The following SVEP1 variants were observed in gnomAD, a reference collection of about 807,000 sequenced individuals.
The protein encoded by SVEP1 is sushi, von Willebrand factor type A, EGF and pentraxin domain-containing protein 1.
A neutral mutation model predicts 367.3 loss-of-function variants in SVEP1; 164 were observed. The ratio of observed to expected loss-of-function variants is 0.45; its 90% confidence interval spans 0.39 to 0.51. The LOEUF (loss-of-function observed/expected upper bound fraction) is 0.51, where lower values mean the gene tolerates loss of function less well. Ranked by LOEUF, SVEP1 falls within the 20% of genes least tolerant of loss-of-function variation. The pLI is 0.00. For missense variants in SVEP1, 4,117 were observed against 4,425.3 expected, an observed-to-expected ratio of 0.93 and a Z score of 1.98; for synonymous variants, 1,666 against 1,611.6, an observed-to-expected ratio of 1.03 and a Z score of -0.81.
At chr9:110,497,704 T>C (rs1829471442) in intron 7 of SVEP1, among the ~76,000 whole-genome samples, 3 of 152,248 alleles carry the variant, frequency 2.0e-5, no homozygotes, top group Admixed American at 2.0e-4. Context: ...GGTGCTGAAT[T>C]AGACGTGCTA....
intron 41 of SVEP1, among the ~76,000 whole-genome samples, chr9:110,388,539 C>G (rs900457709): frequency 6.6e-6 from 1 of 152,126 alleles, no homozygotes; most frequent in Non-Finnish European, 1.5e-5. Context: ...ATTCCCCAAA[C>G]AATTCAAATG....
intron 1 of SVEP1, among the ~76,000 whole-genome samples, chr9:110,551,217 T>A (rs763222564): frequency 2.0e-5 from 3 of 152,190 alleles, no homozygotes; most frequent in Non-Finnish European, 2.9e-5. Context: ...TTGATACAAT[T>A]CACTTTAGGG....
At position 110,375,561 on chromosome 9, in the gene SVEP1, A is replaced by G; in HGVS notation, c.10505-98T>C. The stretch of plus-strand genomic sequence containing the variant: ...AGATAGGTTCAAGGGTTCAGAAAAC[A>G]TTTTGCAGGAGTGAAACCTTATATG... On this transcript the variant is annotated intron_variant, in intron 45 of 47. Transcript: ENST00000374469. 8.1e-6 allele frequency: 9 copies of G among 1,117,744 alleles called. No homozygotes were observed. The South Asian group carries it at 1.5e-4, about 18-fold the overall frequency. 69.2% of individuals were successfully genotyped at this position (1,117,744 alleles called of 1,614,324 possible). A position where few individuals can be genotyped will look rare whatever the true frequency, so the allele number is the denominator to read the frequency against.
In SVEP1 at chr9:110,388,115, A is replaced by C. The variant is rs1193370237; in HGVS notation, c.9887-657T>G. 5.3e-5 allele frequency among the ~76,000 whole-genome samples: 8 copies of C among 152,148 alleles called. No homozygotes were observed. In the South Asian group the frequency reaches 1.7e-3, roughly 32 times the overall value. On this transcript the variant is annotated intron_variant, in intron 41 of 47. Transcript: ENST00000374469. Reference sequence around the variant, plus strand: ...AAGGTCATACTGCTTGTAAGAAGAGATAAAATATAAAATTATCAGAAGGTA... The same window carrying C: ...AAGGTCATACTGCTTGTAAGAAGAGCTAAAATATAAAATTATCAGAAGGTA...
rs775174213 is a variant in SVEP1, at chr9:110,458,166, A to C, written c.3576+305T>G. The C allele has an allele frequency of 6.0e-5, 34 of 568,516 alleles. 2 individuals are homozygous for C. The highest frequency in any genetic ancestry group is 6.3e-5 in the Non-Finnish European group (19 of 302,930). 35.2% of individuals were successfully genotyped at this position (568,516 alleles called of 1,614,324 possible). On this transcript the variant is annotated intron_variant, in intron 20 of 47. Coordinates refer to ENST00000374469, the MANE Select transcript of SVEP1 (RefSeq NM_153366.4). ...TCCTTAAACCAAATTCTCTTACTCAAATGATGGGTTGTGCTTGTGGTAAGT... is the reference window on the plus strand; with the variant it reads ...TCCTTAAACCAAATTCTCTTACTCACATGATGGGTTGTGCTTGTGGTAAGT...
intron 47 of SVEP1, among the ~76,000 whole-genome samples, chr9:110,367,030 G>A (rs1027241424): frequency 2.6e-5 from 4 of 152,166 alleles, no homozygotes; most frequent in Non-Finnish European, 4.4e-5. Context: ...CAGTAGAGAA[G>A]GTAAACATTG....
At chr9:110,567,254 A>T (rs1359766405) in intron 1 of SVEP1, among the ~76,000 whole-genome samples, 2 of 152,294 alleles carry the variant, frequency 1.3e-5, no homozygotes, top group South Asian at 2.1e-4. Context: ...GACAACAAAC[A>T]CCACAAGAGA....
At chr9:110,386,115 C>G (rs1827518327) in intron 42 of SVEP1, 41 bp from the exon 43 acceptor site, 3 of 1,581,490 alleles carry the variant, frequency 1.9e-6, no homozygotes, top group South Asian at 2.3e-5. Context: ...TATTTCCCCT[C>G]TTTTCCTAAT....
chr9:110,564,661 TTTTA>T (rs1445018953), intron 1 of SVEP1, among the ~76,000 whole-genome samples: 1 of 152,090 alleles, frequency 6.6e-6, no homozygotes, highest in African/African-American at 2.4e-5. Flanking sequence ...GTTTCATTTT[TTTTA>T]TTTGTTTGTA....
chr9:110,493,611 A>C (rs1829402537), intron 8 of SVEP1, among the ~76,000 whole-genome samples: 1 of 152,148 alleles, frequency 6.6e-6, no homozygotes, highest in African/African-American at 2.4e-5. Context: ...ACTTGCCTGT[A>C]ATCCCAGCTA....
At chr9:110,375,274 G>A in intron 46 of SVEP1, 94 bp downstream of exon 46, 1 of 1,088,252 alleles carries the variant, frequency 9.2e-7, no homozygotes, top group Non-Finnish European at 1.3e-6. Flanking sequence ...TTTTCATTTT[G>A]CCACCACTTC....
Position 110,408,858 on chromosome 9 carries a change from T to C in SVEP1, c.6742A>G (p.Asn2248Asp), listed in dbSNP as rs1227441981. 2.5e-6 allele frequency: 4 copies of C among 1,613,724 alleles called. No individual in the cohort carries two copies. Among genetic ancestry groups the C allele is most frequent in the Non-Finnish European group, 3.4e-6 (4 of 1,179,882 alleles). Reference protein sequence around the residue: ...VGSPVFVCQANRHWHSESPLM... With the variant: ...VGSPVFVCQADRHWHSESPLM... ...GGGGATTCACTGTGCCAGTGGCGAT[T>C]GGCTTGGCAGACAAATACAGGACTT... Residue 2248 changes from asparagine (N) to aspartate (D), a missense_variant, in exon 38 of 48, where the codon AAT becomes GAT. By Grantham distance (23) the Asn-to-Asp change is conservative. Transcript: ENST00000374469.
chr9:110,540,160 T>C (rs1384974081), intron 3 of SVEP1, among the ~76,000 whole-genome samples: 1 of 152,126 alleles, frequency 6.6e-6, no homozygotes, highest in African/African-American at 2.4e-5. Flanking sequence ...ATCATCATTA[T>C]CATTATCATC....
rs1827983064 is a variant in SVEP1 at position 110,408,054 on chromosome 9, A to T, written c.7546T>A (p.Tyr2516Asn). The part of the protein sequence containing the change: ...NGKFSYTDLH[Y>N]GQTVTYSCNR... ...CAAGAGTAGGTAACGGTCTGTCCAT[A>T]GTGTAGGTCCGTGTAAGAGAATTTG... Residue 2516 changes from tyrosine (Y) to asparagine (N), a missense_variant, in exon 38 of 48, where the codon TAT becomes AAT. Transcript: ENST00000374469. The T allele has an allele frequency of 6.2e-7, 1 of 1,613,980 alleles. No individual in the cohort carries two copies. Among genetic ancestry groups the T allele is most frequent in the Non-Finnish European group, 8.5e-7 (1 of 1,179,880 alleles).
chr9:110,445,819 C>T lies in SVEP1; in HGVS notation c.4463+18G>A. ...AAGATAAGATCTTAAGCATAGCCTT[C>T]CCGACACTTCTGCTTACCCGTTATA... is the stretch of plus-strand genomic sequence containing the variant. On this transcript the variant is annotated intron_variant, in intron 26 of 47. Coordinates refer to ENST00000374469, the MANE Select transcript of SVEP1 (RefSeq NM_153366.4). The T allele has an allele frequency of 6.2e-7, 1 of 1,613,296 alleles. No individual in the cohort carries two copies. Among genetic ancestry groups the T allele is most frequent in the Non-Finnish European group, 8.5e-7 (1 of 1,179,424 alleles).
chr9:110,494,792 C>CT (rs58175581), intron 8 of SVEP1, among the ~76,000 whole-genome samples: 24 of 151,052 alleles, frequency 1.6e-4, no homozygotes, highest in Admixed American at 5.3e-4. Flanking sequence ...CCTTCTCTGT[C>CT]TTTTTTTTTT....
In SVEP1 at chr9:110,514,296, G is replaced by A. The variant is rs149127420; in HGVS notation, c.965-190C>T. 4.1e-3 allele frequency: 2,648 copies of A among 639,082 alleles called. 52 individuals are homozygous for A. The African/African-American group carries it at 0.043, about 10-fold the overall frequency. 39.6% of individuals were successfully genotyped at this position (639,082 alleles called of 1,614,324 possible). On this transcript the variant is annotated intron_variant, in intron 3 of 47. Transcript: ENST00000374469. ...GGAAGCAGAGGCGGGTGGATCACCT[G>A]AGGTCAGGAGTTTGAGACCAGCCTG...
At chr9:110,412,287 T>C (rs1828055777) in intron 36 of SVEP1, among the ~76,000 whole-genome samples, 1 of 152,240 alleles carries the variant, frequency 6.6e-6, no homozygotes, top group Admixed American at 6.5e-5. Context: ...ATATAGCTCA[T>C]TGTTATGTAC....
intron 3 of SVEP1, among the ~76,000 whole-genome samples, chr9:110,545,383 A>G (rs1830207415): frequency 6.6e-6 from 1 of 152,204 alleles, no homozygotes; most frequent in South Asian, 2.1e-4. Context: ...CATTCCCACC[A>G]ACAGTGTTTA....
Sources: gnomAD v4.1 joint callset for allele counts (sites outside exome capture counted in the v4.1 genomes callset) on GRCh38, gnomAD v4.1.1 for gene constraint, MANE v1.5 for transcripts, NCBI Gene and HGNC (gene_info 2026-07-23, HGNC 2026-07-21) for gene names.